The following NKAIN3 variants were observed in gnomAD, a reference collection of about 807,000 sequenced individuals.
The protein encoded by NKAIN3 is sodium/potassium-transporting ATPase subunit beta-1-interacting protein 3.
A neutral mutation model predicts 30.2 loss-of-function variants in NKAIN3; 25 were observed. The observed-to-expected ratio is 0.83, with a 90% CI of 0.60 to 1.16. The LOEUF (loss-of-function observed/expected upper bound fraction) is 1.16. Ranked by LOEUF, NKAIN3 falls within the 50% of genes most tolerant of loss-of-function variation. The pLI is 0.00. For synonymous variants in NKAIN3, 91 were observed against 89.6 expected (o/e 1.02, Z -0.09); for missense variants, 225 against 254.1 (o/e 0.89, Z 0.78).
At chr8:62,878,996 G>C (rs77909517) in intron 4 of NKAIN3, among the ~76,000 whole-genome samples, 43,690 of 151,966 alleles carry the variant, frequency 0.29, 6,569 homozygotes, top group African/African-American at 0.34. Context: ...CTTTATAGCA[G>C]CATGTTTTAT....
At position 62,555,055 on chromosome 8, in the gene NKAIN3, CAT is replaced by C. The variant is rs1554546886; in HGVS notation, c.55-24483_55-24482del. 4.5e-4 allele frequency among the ~76,000 whole-genome samples: 62 copies of C among 136,480 alleles called. No individual in the cohort carries two copies. The East Asian group carries it at 0.011, about 24-fold the overall frequency. The allele number at this position is 136,480 out of a possible 152,430, so 89.5% of individuals were successfully genotyped here. On this transcript the variant is annotated intron_variant, in intron 1 of 6. Coordinates refer to ENST00000623646, the MANE Select transcript of NKAIN3 (RefSeq NM_001304533.3). ...ACACACACACACACACACACACACA[CAT>C]GCCTAGCTATGTGAGAAGATGGATA...
At chr8:62,931,606 G>A (rs10089486) in intron 5 of NKAIN3, among the ~76,000 whole-genome samples, 13,706 of 152,096 alleles carry the variant, frequency 0.09, 649 homozygotes, top group South Asian at 0.15. Flanking sequence ...GCAGGGAAGC[G>A]GTACCCAAAT....
At chr8:62,688,738 ACAGAC>A (rs1486460800) in intron 3 of NKAIN3, among the ~76,000 whole-genome samples, 17 of 115,408 alleles carry the variant, frequency 1.5e-4, no homozygotes, top group Non-Finnish European at 2.8e-4. Flanking sequence ...AGACAGACAG[ACAGAC>A]ACACACACAC....
chr8:62,797,899 C>T (rs995844910), intron 4 of NKAIN3, among the ~76,000 whole-genome samples: 1 of 152,118 alleles, frequency 6.6e-6, no homozygotes, highest in Non-Finnish European at 1.5e-5. Flanking sequence ...AGGAGAATGC[C>T]ATGTGAAGAA....
intron 1 of NKAIN3, among the ~76,000 whole-genome samples, chr8:62,260,158 T>C (rs1022873112): frequency 2.6e-5 from 4 of 152,072 alleles, no homozygotes; most frequent in African/African-American, 7.2e-5. Flanking sequence ...TTTCTGAAAG[T>C]TTCTATTCCA....
At chr8:62,466,754 T>A (rs954139040) in intron 1 of NKAIN3, among the ~76,000 whole-genome samples, 1 of 152,176 alleles carries the variant, frequency 6.6e-6, no homozygotes, top group Non-Finnish European at 1.5e-5. Flanking sequence ...AAAAGCCTCA[T>A]ATCATGGAGT....
intron 4 of NKAIN3, among the ~76,000 whole-genome samples, chr8:62,767,513 T>A (rs1816879424): frequency 1.3e-5 from 2 of 152,264 alleles, no homozygotes; most frequent in South Asian, 4.1e-4. Context: ...ACCCTTGGAC[T>A]TTTCAATTAC....
chr8:62,655,946 G>GTGT lies in NKAIN3; in HGVS notation c.273+66154_273+66156dup, dbSNP rs1325007541. On this transcript the variant is annotated intron_variant, in intron 3 of 6. Coordinates refer to ENST00000623646, the MANE Select transcript of NKAIN3 (RefSeq NM_001304533.3). ...AAATACTTGGTCCCTAGGAAAGACT[G>GTGT]TGTTAGAAATAAAATTAGCCCCATT... 9.1e-4 allele frequency among the ~76,000 whole-genome samples: 139 copies of GTGT among 152,188 alleles called. 1 individual carries two copies. The highest frequency in any genetic ancestry group is 6.8e-3 in the Middle Eastern group (2 of 294).
intron 4 of NKAIN3, among the ~76,000 whole-genome samples, chr8:62,898,899 C>A (rs1043764616): frequency 1.3e-5 from 2 of 152,046 alleles, no homozygotes; most frequent in African/African-American, 4.8e-5. Flanking sequence ...CTCCAATTAT[C>A]CAGTTAGAAA....
At chr8:62,372,409 G>A (rs569295962) in intron 1 of NKAIN3, among the ~76,000 whole-genome samples, 55 of 151,854 alleles carry the variant, frequency 3.6e-4, no homozygotes, top group African/African-American at 1.1e-3. Flanking sequence ...TCTGAATTTT[G>A]GTACTGATAT....
At chr8:62,871,958 G>A (rs1433616016) in intron 4 of NKAIN3, among the ~76,000 whole-genome samples, 1 of 152,160 alleles carries the variant, frequency 6.6e-6, no homozygotes, top group African/African-American at 2.4e-5. Context: ...ATTGCATAAG[G>A]ACATTTTGGT....
intron 5 of NKAIN3, among the ~76,000 whole-genome samples, chr8:62,939,819 A>G (rs984527224): frequency 6.6e-6 from 1 of 152,124 alleles, no homozygotes; most frequent in Non-Finnish European, 1.5e-5. Flanking sequence ...CATAAATCTA[A>G]CAGGACCTAT....
intron 1 of NKAIN3, among the ~76,000 whole-genome samples, chr8:62,558,691 T>C (rs60717966): frequency 6.6e-6 from 1 of 152,052 alleles, no homozygotes; most frequent in Non-Finnish European, 1.5e-5. Context: ...TTCATTGATT[T>C]CTCCTTATCT....
chr8:62,377,314 A>G (rs2129593726), intron 1 of NKAIN3, among the ~76,000 whole-genome samples: 1 of 152,304 alleles, frequency 6.6e-6, no homozygotes, highest in Admixed American at 6.5e-5. Flanking sequence ...TCTTTCTTCA[A>G]ATAAAAGCTC....
chr8:62,275,362 T>C (rs1812914225), intron 1 of NKAIN3, among the ~76,000 whole-genome samples: 1 of 152,236 alleles, frequency 6.6e-6, no homozygotes, highest in African/African-American at 2.4e-5. Context: ...TGAGCATTTC[T>C]TGATTTCTTA....
At chr8:62,364,970 G>T (rs893237874) in intron 1 of NKAIN3, among the ~76,000 whole-genome samples, 17 of 151,802 alleles carry the variant, frequency 1.1e-4, no homozygotes, top group African/African-American at 4.1e-4. Context: ...TGCCCTTTAG[G>T]ATGAATCAGT....
intron 1 of NKAIN3, among the ~76,000 whole-genome samples, chr8:62,476,388 C>T (rs1365688149): frequency 1.3e-5 from 2 of 151,420 alleles, no homozygotes; most frequent in Non-Finnish European, 2.9e-5. Context: ...ATTGTAGACC[C>T]GTGCACATGT....
At chr8:62,651,372 A>C (rs1045453169) in intron 3 of NKAIN3, among the ~76,000 whole-genome samples, 1 of 152,218 alleles carries the variant, frequency 6.6e-6, no homozygotes, top group African/African-American at 2.4e-5. Context: ...TTCAAGTCTC[A>C]TAATGGAGCA....
In NKAIN3 at chr8:62,910,767, T is replaced by C. The variant is rs992920455; in HGVS notation, c.472-7686T>C. Among the ~76,000 whole-genome samples the C allele has an allele frequency of 4.7e-5, 7 of 147,668 alleles. No homozygotes were observed. In the East Asian group the frequency reaches 1.2e-3, roughly 25 times the overall value. ...CATCGGGACAGGATTTTTTTTTTTT[T>C]CAAGGGAAATTGGTCTCCTGTTGGA... On this transcript the variant is annotated intron_variant, in intron 4 of 6. Transcript: ENST00000623646.
Sources: gnomAD v4.1 joint callset for allele counts (sites outside exome capture counted in the v4.1 genomes callset) on GRCh38, gnomAD v4.1.1 for gene constraint, MANE v1.5 for transcripts, NCBI Gene and HGNC (gene_info 2026-07-23, HGNC 2026-07-21) for gene names.